Variants in FGF10 observed in about 807,000 individuals in gnomAD.
FGF10 encodes FGF-10.
A neutral mutation model predicts 19.8 loss-of-function variants in FGF10; 2 were observed. The observed-to-expected ratio is 0.10, with a 90% CI of 0.04 to 0.32. The LOEUF is 0.32. FGF10 is among the 10% of genes least tolerant of loss of function. The pLI is 1.00. For missense variants in FGF10, 191 were observed against 246.3 expected, an observed-to-expected ratio of 0.78 and a Z score of 1.50; for synonymous variants, 112 against 94.0, an observed-to-expected ratio of 1.19 and a Z score of -1.10.
At chr5:44,308,377 A>G (rs780980537) in intron 2 of FGF10, among the ~76,000 whole-genome samples, 1 of 152,170 alleles carries the variant, frequency 6.6e-6, no homozygotes, top group Non-Finnish European at 1.5e-5. Context: ...TTTTATATTC[A>G]TTAAAATTAT....
At chr5:44,315,233 T>C (rs531842554) in intron 1 of FGF10, among the ~76,000 whole-genome samples, 1 of 150,498 alleles carries the variant, frequency 6.6e-6, no homozygotes, top group Non-Finnish European at 1.5e-5. Context: ...GTATGAGAGA[T>C]AAAATATGTT....
intron 1 of FGF10, among the ~76,000 whole-genome samples, chr5:44,352,306 C>T (rs764680636): frequency 4.6e-5 from 7 of 151,596 alleles, no homozygotes; most frequent in Non-Finnish European, 7.4e-5. Context: ...GTACACAATG[C>T]AAAAGCTGCC....
intron 1 of FGF10, 71 bp downstream of exon 1, chr5:44,388,287 A>G: frequency 7.0e-7 from 1 of 1,427,696 alleles, no homozygotes; most frequent in South Asian, 1.1e-5. Flanking sequence ...CACATCTGGA[A>G]CAGATTTTTC....
intron 1 of FGF10, among the ~76,000 whole-genome samples, chr5:44,368,642 C>T (rs556188187): frequency 4.2e-4 from 64 of 151,984 alleles, no homozygotes; most frequent in South Asian, 4.1e-4. Context: ...AAGAAAAATG[C>T]GTCAGTGTGT....
At chr5:44,365,328 A>T (rs1741580553) in intron 1 of FGF10, among the ~76,000 whole-genome samples, 1 of 138,228 alleles carries the variant, frequency 7.2e-6, no homozygotes, top group Admixed American at 7.6e-5. Context: ...TCTGGTGGTC[A>T]ATTTCATCCT....
At chr5:44,375,412 A>G (rs1221516721) in intron 1 of FGF10, among the ~76,000 whole-genome samples, 1 of 152,118 alleles carries the variant, frequency 6.6e-6, no homozygotes, top group African/African-American at 2.4e-5. Context: ...GAGGGCAGGG[A>G]CATCATTCCA....
At chr5:44,338,998 G>C (rs1740910384) in intron 1 of FGF10, among the ~76,000 whole-genome samples, 1 of 152,134 alleles carries the variant, frequency 6.6e-6, no homozygotes, top group Non-Finnish European at 1.5e-5. Context: ...CCATGAATCT[G>C]ATTTCCTGTT....
intron 2 of FGF10, among the ~76,000 whole-genome samples, chr5:44,306,627 A>G (rs1000429546): frequency 6.6e-6 from 1 of 152,176 alleles, no homozygotes; most frequent in Non-Finnish European, 1.5e-5. Context: ...CTGAAAATGT[A>G]TATGTTTATA....
chr5:44,383,842 T>TA (rs1006134915), intron 1 of FGF10, among the ~76,000 whole-genome samples: 2 of 152,052 alleles, frequency 1.3e-5, no homozygotes, highest in Non-Finnish European at 2.9e-5. Flanking sequence ...GTGGAAGCCA[T>TA]AAATTGTTTT....
chr5:44,376,507 A>AAAC (rs1741863589), intron 1 of FGF10, among the ~76,000 whole-genome samples: 1 of 137,176 alleles, frequency 7.3e-6, no homozygotes, highest in East Asian at 2.0e-4. Flanking sequence ...AAAAAAAAAA[A>AAAC]AAAAAAAAAA....
At chr5:44,321,566 G>A (rs1214025360) in intron 1 of FGF10, among the ~76,000 whole-genome samples, 4 of 152,126 alleles carry the variant, frequency 2.6e-5, no homozygotes, top group South Asian at 2.1e-4. Flanking sequence ...TTCACTGCTC[G>A]GGTCAAAGAG....
intron 1 of FGF10, among the ~76,000 whole-genome samples, chr5:44,382,187 A>T (rs1007691863): frequency 6.6e-6 from 1 of 152,214 alleles, no homozygotes; most frequent in Non-Finnish European, 1.5e-5. Flanking sequence ...GTCACTGTCC[A>T]GTTGTCCACC....
Position 44,354,509 on chromosome 5 carries a change from C to T in FGF10, c.325+33849G>A, listed in dbSNP as rs17234135. Among the ~76,000 whole-genome samples the T allele has an allele frequency of 2.8e-3, 421 of 151,566 alleles. 13 individuals carry two copies. The East Asian group carries it at 0.066, about 24-fold the overall frequency. ...AACTTACTCTTACATCTAATTGCATCTGAAAATCTTCAGAGACACTAATTT... is the reference window on the plus strand; with the variant it reads ...AACTTACTCTTACATCTAATTGCATTTGAAAATCTTCAGAGACACTAATTT... On this transcript the variant is annotated intron_variant, in intron 1 of 2. Coordinates refer to ENST00000264664, the MANE Select transcript of FGF10 (RefSeq NM_004465.2).
chr5:44,310,527 A>C lies in FGF10; in HGVS notation c.329T>G (p.Ile110Ser). Residue 110 changes from isoleucine (I) to serine (S), a missense_variant, in exon 2 of 3, where the codon ATC (isoleucine) becomes AGC (serine). Transcript: ENST00000264664. ...GATTTCTACTGATGTTATCTCCAGG[A>C]TGCCTAAAACATACAATTTTAAAAG... is the stretch of plus-strand genomic sequence containing the variant. Reference protein sequence around the residue: ...GTKKENCPYSILEITSVEIGV... With the variant: ...GTKKENCPYSSLEITSVEIGV... 6.2e-7 allele frequency: 1 copy of C among 1,605,956 alleles called. No individual in the cohort carries two copies. Among genetic ancestry groups the C allele is most frequent in the Non-Finnish European group, 8.5e-7 (1 of 1,173,202 alleles).
At chr5:44,338,030 AT>A in intron 1 of FGF10, among the ~76,000 whole-genome samples, 1 of 152,156 alleles carries the variant, frequency 6.6e-6, no homozygotes, top group South Asian at 2.1e-4. Context: ...TATTAAATAA[AT>A]TATTATTCTA....
chr5:44,307,652 G>A (rs1740114497), intron 2 of FGF10, among the ~76,000 whole-genome samples: 1 of 152,240 alleles, frequency 6.6e-6, no homozygotes, highest in Admixed American at 6.5e-5. Context: ...AGGGCTTACG[G>A]AATTGATGGA....
chr5:44,332,830 G>A (rs144718792), intron 1 of FGF10, among the ~76,000 whole-genome samples: 4 of 152,204 alleles, frequency 2.6e-5, no homozygotes, highest in African/African-American at 9.6e-5. Flanking sequence ...AGAAGATGCA[G>A]AGGAAGAAAA....
intron 2 of FGF10, among the ~76,000 whole-genome samples, chr5:44,309,649 C>T (rs1236134401): frequency 6.6e-6 from 1 of 152,112 alleles, no homozygotes; most frequent in Non-Finnish European, 1.5e-5. Context: ...GATAAATTGT[C>T]TCACTGCTTG....
Position 44,360,470 on chromosome 5 carries a change from C to A in FGF10, c.325+27888G>T, listed in dbSNP as rs949856668. Among the ~76,000 whole-genome samples the A allele has an allele frequency of 3.1e-4, 47 of 151,498 alleles. 1 individual carries two copies. The highest frequency in any genetic ancestry group is 1.3e-4 in the Admixed American group (2 of 15,156). ...GATCCTTGATCCCTGAACAGAACAGCAACATTTGTAATTTAAGTCAAGGCC... is the reference window on the plus strand; with the variant it reads ...GATCCTTGATCCCTGAACAGAACAGAAACATTTGTAATTTAAGTCAAGGCC... On this transcript the variant is annotated intron_variant, in intron 1 of 2. Transcript: ENST00000264664.
Sources: gnomAD v4.1 joint callset for allele counts (sites outside exome capture counted in the v4.1 genomes callset) on GRCh38, gnomAD v4.1.1 for gene constraint, MANE v1.5 for transcripts, NCBI Gene and HGNC (gene_info 2026-07-23, HGNC 2026-07-21) for gene names.